Variants in MEI1 observed in about 807,000 individuals in gnomAD.
The protein encoded by MEI1 is meiosis inhibitor protein 1.
A neutral mutation model predicts 146.2 loss-of-function variants in MEI1; 103 were observed. The observed-to-expected ratio is 0.70, with a 90% CI of 0.60 to 0.83. The LOEUF is 0.83. MEI1 is among the 40% of genes least tolerant of loss of function. The pLI, the probability that MEI1 is intolerant of heterozygous loss-of-function variation, is 0.00. For synonymous variants in MEI1, 652 were observed against 628.2 expected, an observed-to-expected ratio of 1.04 and a Z score of -0.57; for missense variants, 1,529 against 1,533.0, an observed-to-expected ratio of 1.00 and a Z score of 0.04.
At chr22:41,792,928 A>G (rs1215584712) in intron 26 of MEI1, among the ~76,000 whole-genome samples, 1 of 151,916 alleles carries the variant, frequency 6.6e-6, no homozygotes. Context: ...TAAAAAAAAA[A>G]AAAAAGGTTG....
chr22:41,773,731 C>T (rs906443468), intron 20 of MEI1, among the ~76,000 whole-genome samples: 9 of 151,988 alleles, frequency 5.9e-5, no homozygotes, highest in African/African-American at 1.4e-4. Context: ...AAAAATTAGC[C>T]GGGCATGGTG....
intron 11 of MEI1, among the ~76,000 whole-genome samples, chr22:41,740,314 G>A (rs116348995): frequency 0.017 from 2,564 of 151,778 alleles, 85 homozygotes; most frequent in African/African-American, 0.057. Context: ...CACCGCGCCC[G>A]GCCAAAGATG....
Position 41,751,973 on chromosome 22 carries a change from G to C in MEI1, c.1793-618G>C, listed in dbSNP as rs185645816. 1.3e-3 allele frequency among the ~76,000 whole-genome samples: 199 copies of C among 152,132 alleles called. 2 individuals are homozygous for C. The highest frequency in any genetic ancestry group is 4.6e-3 in the African/African-American group (190 of 41,500). ...TAGTCCCAGTTACTCAGGAGGCTGA[G>C]GCAGGAGAATCACTTGAACCCGGGA... is the stretch of plus-strand genomic sequence containing the variant. On this transcript the variant is annotated intron_variant, in intron 15 of 30. Coordinates refer to ENST00000401548, the MANE Select transcript of MEI1 (RefSeq NM_152513.4).
intron 18 of MEI1, among the ~76,000 whole-genome samples, chr22:41,760,087 A>G (rs1317404185): frequency 6.6e-6 from 1 of 152,036 alleles, no homozygotes; most frequent in Admixed American, 6.6e-5. Context: ...AGATGGGTGG[A>G]TTACGAGGTC....
rs2075600506 is a variant in MEI1, at chr22:41,778,750, T to C, written c.2753T>C (p.Met918Thr). The C allele has an allele frequency of 2.5e-6, 4 of 1,609,432 alleles. No homozygotes were observed. The East Asian group carries it at 8.9e-5, about 36-fold the overall frequency. The change falls in exon 22 of 31, where the codon ATG becomes ACG. Residue 918 changes from methionine (M) to threonine (T), a missense_variant. Physicochemically the swap from Met to Thr is moderately conservative, Grantham distance 81. Around this residue, in one of 3 missense-constraint regions of MEI1, gnomAD observed 1,212 missense variants for 1,178.9 expected, o/e 1.03. Transcript: ENST00000401548. ...LPLLLSLLSLMQLRNVSEQEL... is the reference protein window; with the variant it reads ...LPLLLSLLSLTQLRNVSEQEL... ...TTGCTGCTGAGCCTCCTCTCCCTGA[T>C]GCAGCTCAGGAATGTGTCAGAGCAA... is the stretch of plus-strand genomic sequence containing the variant.
Position 41,795,424 on chromosome 22 carries a change from G to A in MEI1, c.3548G>A (p.Arg1183Gln), listed in dbSNP as rs573055651. Residue 1183 changes from arginine to glutamine, a missense_variant, in exon 29 of 31, where the codon CGG (arginine) becomes CAG (glutamine). Around this residue, in one of 3 missense-constraint regions of MEI1, gnomAD observed 313 missense variants for 337.3 expected, o/e 0.93. Transcript: ENST00000401548. The surrounding 1 kb of genome is among the most constrained non-coding windows in gnomAD (Gnocchi z 4.2). ...LRLMTLFMRY[R>Q]SSSVLSHEEV... is the part of the protein sequence containing the mutation. ...TTCCTGGGCCAGTTTATGCGGTACCGGAGTAGCAGTGTCCTCTCTCATGAA... is the reference window on the plus strand; with the variant it reads ...TTCCTGGGCCAGTTTATGCGGTACCAGAGTAGCAGTGTCCTCTCTCATGAA... The A allele has an allele frequency of 6.3e-5, 102 of 1,613,782 alleles. No individual in the cohort carries two copies. In the South Asian group the frequency reaches 7.8e-4, roughly 12 times the overall value.
rs1167824051 is a variant in MEI1 at position 41,784,381 on chromosome 22, G to A, written c.3130G>A (p.Ala1044Thr). 1 of 1,613,928 alleles carries A rather than the reference G, an allele frequency of 6.2e-7. No homozygotes were observed. The highest frequency in any genetic ancestry group is 8.5e-7 in the Non-Finnish European group (1 of 1,179,904). ...LSVEMDQVLK[A>T]LSFPKKKAAL... ...TGTGGAAATGGACCAAGTATTGAAGGCTCTCAGCTTTCCAAAGAAAAAGGC... is the reference window on the plus strand; with the variant it reads ...TGTGGAAATGGACCAAGTATTGAAGACTCTCAGCTTTCCAAAGAAAAAGGC... Residue 1044 changes from alanine (A) to threonine (T), a missense_variant, in exon 25 of 31, where the codon GCT (alanine) becomes ACT (threonine). Physicochemically the swap from Ala to Thr is moderately conservative, Grantham distance 58 (BLOSUM62 0). This residue lies in a region of MEI1 where 313 missense variants were observed against 337.3 expected (regional missense o/e 0.93). Transcript: ENST00000401548.
intron 16 of MEI1, 96 bp from the exon 17 acceptor site, chr22:41,753,853 A>AAATTATGGAATTATGGAAATT: frequency 1.1e-6 from 1 of 876,590 alleles, no homozygotes; most frequent in Non-Finnish European, 1.9e-6. Context: ...AGCCTCTGGC[A>AAATTATGGAATTATGGAAATT]CAAAGCAGTG....
chr22:41,776,008 A>C, intron 20 of MEI1, 94 bp from the exon 21 acceptor site: 1 of 1,306,602 alleles, frequency 7.7e-7, no homozygotes, highest in Non-Finnish European at 1.1e-6. Context: ...TGACATCATA[A>C]TTATGGGCCC....
rs914206724 is a variant in MEI1, at chr22:41,713,585, G to A, written c.350-417G>A. Among the ~76,000 whole-genome samples, 5 of 151,648 alleles carry A rather than the reference G, an allele frequency of 3.3e-5. 1 individual carries two copies. In the South Asian group the frequency reaches 8.3e-4, roughly 25 times the overall value. On this transcript the variant is annotated intron_variant, in intron 3 of 30. Coordinates refer to ENST00000401548, the MANE Select transcript of MEI1 (RefSeq NM_152513.4). Reference sequence around the variant, plus strand: ...TTTTTGAGACAGAGTTTTTGCTCTCGTTGCCCATGCTGGAGTGCAATGGCA... The same window carrying A: ...TTTTTGAGACAGAGTTTTTGCTCTCATTGCCCATGCTGGAGTGCAATGGCA...
At chr22:41,753,706 T>G in intron 16 of MEI1, 1 of 380,752 alleles carries the variant, frequency 2.6e-6, no homozygotes, top group Non-Finnish European at 5.0e-6. Flanking sequence ...CTAGAACTCC[T>G]GACCTCAGGT....
chr22:41,745,242 TA>T (rs1195688682), intron 13 of MEI1, among the ~76,000 whole-genome samples, 178 bp downstream of exon 13: 1 of 152,116 alleles, frequency 6.6e-6, no homozygotes, highest in African/African-American at 2.4e-5. Flanking sequence ...GACAGGCAGC[TA>T]GGGGTAGGAC....
chr22:41,751,721 A>G (rs1807725), intron 15 of MEI1, among the ~76,000 whole-genome samples: 124,592 of 149,490 alleles, frequency 0.83, 52,846 homozygotes, highest in African/African-American at 0.95. Flanking sequence ...ACAGTGAGCC[A>G]AGATCGTGCC....
chr22:41,754,295 A>C (rs2073955275), intron 17 of MEI1, among the ~76,000 whole-genome samples: 1 of 152,196 alleles, frequency 6.6e-6, no homozygotes, highest in Non-Finnish European at 1.5e-5. Flanking sequence ...CATCAAGTCC[A>C]GTTCCTTCTT....
intron 24 of MEI1, among the ~76,000 whole-genome samples, chr22:41,783,466 AT>A: frequency 6.6e-6 from 1 of 152,124 alleles, no homozygotes; most frequent in Non-Finnish European, 1.5e-5. Context: ...CTAATTTTGT[AT>A]TTTTAGTAGA....
chr22:41,745,264 A>G (rs2073201519), intron 13 of MEI1, among the ~76,000 whole-genome samples, 200 bp downstream of exon 13: 3 of 152,074 alleles, frequency 2.0e-5, no homozygotes, highest in Admixed American at 2.0e-4. Context: ...CTTTCTAAAG[A>G]TTCCTTCCTC....
Position 41,784,350 on chromosome 22 carries a change from A to G in MEI1, c.3099A>G (p.Thr1033=). The change falls in exon 25 of 31, where the codon ACA becomes ACG. Residue 1033 remains threonine (T), a synonymous_variant. Coordinates refer to ENST00000401548, the MANE Select transcript of MEI1 (RefSeq NM_152513.4). ...CTGTGCCCTGCCAGGTTCACCAGAC[A>G]CTCTCTGTGGAAATGGACCAAGTAT... ...QHKGSLQVHQ[T]LSVEMDQVLK... 1 of 1,613,218 alleles carries G rather than the reference A, an allele frequency of 6.2e-7. No individual in the cohort carries two copies. Among genetic ancestry groups the G allele is most frequent in the African/African-American group, 1.3e-5 (1 of 74,796 alleles).
chr22:41,780,792 C>T (rs970068748), intron 22 of MEI1, among the ~76,000 whole-genome samples: 2 of 151,978 alleles, frequency 1.3e-5, no homozygotes, highest in Non-Finnish European at 2.9e-5. Context: ...ACCACATTGC[C>T]CAGGTTGGTC....
At chr22:41,700,256 G>A (rs912895456) in intron 1 of MEI1, among the ~76,000 whole-genome samples, 1 of 152,236 alleles carries the variant, frequency 6.6e-6, no homozygotes, top group African/African-American at 2.4e-5. Flanking sequence ...GGGGGTGAAC[G>A]GGAAGACTGT....
Sources: gnomAD v4.1 joint callset for allele counts (sites outside exome capture counted in the v4.1 genomes callset) on GRCh38, gnomAD v4.1.1 for gene constraint, gnomAD v4.1.1 regional missense constraint, Gnocchi (gnomAD v3.1) non-coding constraint, MANE v1.5 for transcripts, NCBI Gene and HGNC (gene_info 2026-07-23, HGNC 2026-07-21) for gene names.